DPP6: variants seen among roughly 807,000 people sequenced by gnomAD.
DPP6 encodes the protein dipeptidyl peptidase like 6.
A neutral mutation model predicts 122.6 loss-of-function variants in DPP6; 69 were observed. The ratio of observed to expected loss-of-function variants is 0.56; its 90% confidence interval spans 0.46 to 0.69. The LOEUF (loss-of-function observed/expected upper bound fraction) is 0.69. DPP6 is among the 30% of genes least tolerant of loss of function. The pLI, the probability that DPP6 is intolerant of heterozygous loss-of-function variation, is 0.00. For missense variants in DPP6, 928 were observed against 1,116.9 expected, an observed-to-expected ratio of 0.83 and a Z score of 2.41; for synonymous variants, 418 against 433.1, an observed-to-expected ratio of 0.97 and a Z score of 0.43.
chr7:154,229,915 C>T (rs566257418), intron 1 of DPP6, among the ~76,000 whole-genome samples: 1 of 152,232 alleles, frequency 6.6e-6, no homozygotes, highest in South Asian at 2.1e-4. Flanking sequence ...TTTTATAATA[C>T]ACATTTTTTC....
chr7:153,889,300 T>C (rs1332662693), intron 1 of DPP6, among the ~76,000 whole-genome samples: 2 of 152,230 alleles, frequency 1.3e-5, no homozygotes, highest in African/African-American at 4.8e-5. Context: ...CATTGTGTTG[T>C]TCAGCATAAT....
intron 1 of DPP6, among the ~76,000 whole-genome samples, chr7:154,067,510 G>A (rs1802815670): frequency 6.6e-6 from 1 of 152,086 alleles, no homozygotes; most frequent in Non-Finnish European, 1.5e-5. Flanking sequence ...GAGGTATGTG[G>A]GCCTGGAGAC....
rs3057500 is a variant in DPP6 at position 154,525,754 on chromosome 7, GT to G, written c.458-14767del. ...TCTATTGGTTTTGTTGTTTTGTTGTGTTTTTTTTTTTGAGTTTTGCTTCTTG... is the reference window on the plus strand; with the variant it reads ...TCTATTGGTTTTGTTGTTTTGTTGTGTTTTTTTTTTGAGTTTTGCTTCTTG... On this transcript the variant is annotated intron_variant, in intron 3 of 25. Coordinates refer to ENST00000377770, the MANE Select transcript of DPP6 (RefSeq NM_130797.4). Among the ~76,000 whole-genome samples the G allele has an allele frequency of 4.5e-4, 66 of 146,400 alleles. 1 individual carries two copies. In the South Asian group the frequency reaches 9.5e-3, roughly 21 times the overall value.
At chr7:153,984,674 T>C (rs1563074940) in intron 1 of DPP6, among the ~76,000 whole-genome samples, 1 of 152,108 alleles carries the variant, frequency 6.6e-6, no homozygotes, top group Admixed American at 6.5e-5. Flanking sequence ...ACTGATACCA[T>C]TTGAAATATC....
chr7:154,158,852 T>C (rs1796828332), intron 1 of DPP6, among the ~76,000 whole-genome samples: 3 of 152,032 alleles, frequency 2.0e-5, no homozygotes, highest in Admixed American at 2.0e-4. Context: ...CCAGGGAACA[T>C]AGCTGGGCTG....
chr7:154,086,662 AGG>A (rs1804446581), intron 1 of DPP6, among the ~76,000 whole-genome samples: 1 of 141,224 alleles, frequency 7.1e-6, no homozygotes, highest in Non-Finnish European at 1.5e-5. Flanking sequence ...TCTGTCACCC[AGG>A]CTGGAGTGCA....
At chr7:154,655,587 T>C (rs1427627970) in intron 6 of DPP6, among the ~76,000 whole-genome samples, 1 of 152,222 alleles carries the variant, frequency 6.6e-6, no homozygotes, top group Non-Finnish European at 1.5e-5. Context: ...CTGCATTCTC[T>C]TTCTCTCTGC....
intron 1 of DPP6, among the ~76,000 whole-genome samples, chr7:153,895,222 A>G (rs1799357811): frequency 2.0e-5 from 3 of 152,280 alleles, no homozygotes; most frequent in South Asian, 4.2e-4. Flanking sequence ...TACAAACCCA[A>G]CAGGGCAAGT....
At chr7:154,578,887 G>A (rs1255456499) in intron 5 of DPP6, among the ~76,000 whole-genome samples, 1 of 152,170 alleles carries the variant, frequency 6.6e-6, no homozygotes, top group Non-Finnish European at 1.5e-5. Context: ...GCAATCTGCT[G>A]TATAATTCAG....
intron 1 of DPP6, among the ~76,000 whole-genome samples, chr7:154,359,091 G>A (rs151054775): frequency 6.6e-6 from 1 of 152,210 alleles, no homozygotes; most frequent in South Asian, 2.1e-4. Flanking sequence ...TGCATGTGCT[G>A]GTGCACATAC....
the DPP6 span, among the ~76,000 whole-genome samples, chr7:153,817,455 A>G: frequency 6.7e-6 from 1 of 148,604 alleles, no homozygotes; most frequent in African/African-American, 2.5e-5. Context: ...ATACCTTTAT[A>G]ACCTCATTGG....
At chr7:154,813,939 GAC>G (rs1022319540) in intron 16 of DPP6, among the ~76,000 whole-genome samples, 4 of 120,662 alleles carry the variant, frequency 3.3e-5, no homozygotes, top group Non-Finnish European at 4.8e-5. Context: ...GGAGTGCAAT[GAC>G]ACAATCTGGG....
intron 1 of DPP6, among the ~76,000 whole-genome samples, chr7:154,323,191 T>C (rs952190325): frequency 1.3e-5 from 2 of 152,214 alleles, no homozygotes; most frequent in African/African-American, 2.4e-5. Context: ...ACAATAAAAC[T>C]GTGAGGATAT....
intron 1 of DPP6, among the ~76,000 whole-genome samples, chr7:153,893,432 A>G (rs1799288064): frequency 1.3e-5 from 2 of 152,212 alleles, no homozygotes; most frequent in African/African-American, 4.8e-5. Flanking sequence ...GAAGCATTTG[A>G]GCGGATGAAT....
chr7:154,012,024 CT>C (rs1563099153), intron 1 of DPP6, among the ~76,000 whole-genome samples: 1 of 152,136 alleles, frequency 6.6e-6, no homozygotes, highest in Admixed American at 6.5e-5. Flanking sequence ...TATGTAATAT[CT>C]TTTTTTAATT....
chr7:154,021,430 G>A (rs2129052035), intron 1 of DPP6, among the ~76,000 whole-genome samples: 2 of 152,280 alleles, frequency 1.3e-5, no homozygotes, highest in South Asian at 4.1e-4. Context: ...TGTAGCCCAG[G>A]AGAAGAGGCC....
intron 3 of DPP6, among the ~76,000 whole-genome samples, chr7:154,502,957 G>A (rs1825372709): frequency 6.6e-6 from 1 of 152,152 alleles, no homozygotes; most frequent in African/African-American, 2.4e-5. Context: ...TGATGGCTGT[G>A]ATGCTCATCA....
chr7:154,076,753 G>C (rs1421086412), intron 1 of DPP6, among the ~76,000 whole-genome samples: 1 of 152,128 alleles, frequency 6.6e-6, no homozygotes, highest in East Asian at 1.9e-4. Context: ...TGGATGATGA[G>C]GGCATGAAGT....
intron 1 of DPP6, among the ~76,000 whole-genome samples, chr7:154,381,267 C>T (rs1480240989): frequency 2.0e-5 from 3 of 152,204 alleles, no homozygotes; most frequent in Admixed American, 6.5e-5. Context: ...CCCCGTCTGA[C>T]TCGCCTTAGG....
Sources: gnomAD v4.1 joint callset for allele counts (sites outside exome capture counted in the v4.1 genomes callset) on GRCh38, gnomAD v4.1.1 for gene constraint, MANE v1.5 for transcripts, NCBI Gene and HGNC (gene_info 2026-07-23, HGNC 2026-07-21) for gene names.